Variants in DPP6 observed in about 807,000 individuals in gnomAD.
The protein encoded by DPP6 is dipeptidyl peptidase like 6.
A neutral mutation model predicts 122.6 loss-of-function variants in DPP6; 69 were observed. The observed-to-expected ratio is 0.56, with a 90% CI of 0.46 to 0.69. The LOEUF (loss-of-function observed/expected upper bound fraction) is 0.69, where lower values mean the gene tolerates loss of function less well. Among genes scored for constraint, DPP6 ranks in the 30% least tolerant of loss-of-function variants. The probability of loss-of-function intolerance (pLI) is 0.00; values close to 1 mark genes in which losing one functional copy is unlikely to be tolerated. For missense variants in DPP6, 928 were observed against 1,116.9 expected (o/e 0.83, Z 2.41); for synonymous variants, 418 against 433.1 (o/e 0.97, Z 0.43).
rs1815805728 is a variant in DPP6 at position 154,403,368 on chromosome 7, G to A, written c.244-42846G>A. On this transcript the variant is annotated intron_variant, in intron 1 of 25. Coordinates refer to ENST00000377770, the MANE Select transcript of DPP6 (RefSeq NM_130797.4). The surrounding 1 kb of genome is among the most constrained non-coding windows in gnomAD (Gnocchi z 4.1). ...CGATTCAGGTACCTTAGGAGGAAAAGGGACATGGTGAGGACTGGAGTTGCG... is the reference window on the plus strand; with the variant it reads ...CGATTCAGGTACCTTAGGAGGAAAAAGGACATGGTGAGGACTGGAGTTGCG... Among the ~76,000 whole-genome samples the A allele has an allele frequency of 3.3e-5, 5 of 152,212 alleles. No homozygotes were observed. In the South Asian group the frequency reaches 1.0e-3, roughly 31 times the overall value.
intron 2 of DPP6, among the ~76,000 whole-genome samples, chr7:154,450,636 A>T (rs1491843): frequency 0.99 from 150,335 of 152,294 alleles, 74,203 homozygotes; most frequent in East Asian, 1. Flanking sequence ...GCCTGGAACA[A>T]TCAGGCTGAG....
rs150916596 is a variant in DPP6 at position 154,159,023 on chromosome 7, C to G, written c.243+105960C>G. Among the ~76,000 whole-genome samples, 617 of 152,230 alleles carry G rather than the reference C, an allele frequency of 4.1e-3. 3 individuals are homozygous for G. The highest frequency in any genetic ancestry group is 0.02 in the Middle Eastern group (6 of 294). On this transcript the variant is annotated intron_variant, in intron 1 of 25. Coordinates refer to ENST00000377770, the MANE Select transcript of DPP6 (RefSeq NM_130797.4). ...CCTGAATACCTTAGGTTCAGTTCCT[C>G]CAGAGAATCAACCTCCCATCTCGTG...
At chr7:154,016,284 C>T (rs1236064903) in intron 1 of DPP6, among the ~76,000 whole-genome samples, 1 of 152,156 alleles carries the variant, frequency 6.6e-6, no homozygotes, top group African/African-American at 2.4e-5. Flanking sequence ...TCAGTTTCCC[C>T]CTTAGAGAAG....
At position 154,083,996 on chromosome 7, in the gene DPP6, T is replaced by C. The variant is rs569911657; in HGVS notation, c.243+30933T>C. Among the ~76,000 whole-genome samples, 222 of 138,704 alleles carry C rather than the reference T, an allele frequency of 1.6e-3. 2 individuals are homozygous for C. The highest frequency in any genetic ancestry group is 7.8e-4 in the Non-Finnish European group (51 of 65,256). 91.0% of individuals were successfully genotyped at this position (138,704 alleles called of 152,430 possible). ...GTCCCAAGAAGCCTAGTATAACTCA[T>C]AAGATGCTTGGGAGTTTAAATATGC... On this transcript the variant is annotated intron_variant, in intron 1 of 25. Transcript: ENST00000377770.
intron 1 of DPP6, among the ~76,000 whole-genome samples, chr7:154,334,110 C>T (rs1809186116): frequency 6.6e-6 from 1 of 150,852 alleles, no homozygotes; most frequent in African/African-American, 2.4e-5. Context: ...TTATCTTCAG[C>T]AAGGATTTTA....
intron 2 of DPP6, among the ~76,000 whole-genome samples, chr7:154,458,275 T>A (rs1165826852): frequency 6.6e-6 from 1 of 152,202 alleles, no homozygotes; most frequent in Non-Finnish European, 1.5e-5. Flanking sequence ...ATAAGTCTCA[T>A]GAGACCTGAT....
intron 9 of DPP6, among the ~76,000 whole-genome samples, chr7:154,772,407 T>C (rs1036317103): frequency 2.0e-5 from 3 of 152,128 alleles, no homozygotes; most frequent in Admixed American, 1.3e-4. Context: ...GGAAGCAGAA[T>C]AGTGCCCCAG....
At chr7:153,992,820 A>G (rs565769524) in intron 1 of DPP6, among the ~76,000 whole-genome samples, 22 of 152,272 alleles carry the variant, frequency 1.4e-4, no homozygotes, top group African/African-American at 5.1e-4. Flanking sequence ...TTGCTTCTGT[A>G]AGGCAGTTCC....
chr7:154,488,573 A>G (rs1466268865), intron 3 of DPP6, among the ~76,000 whole-genome samples: 2 of 151,840 alleles, frequency 1.3e-5, no homozygotes, highest in Non-Finnish European at 2.9e-5. Flanking sequence ...TCCTCATACT[A>G]GATGTGTTCT....
rs562149450 is a variant in DPP6 at position 153,928,509 on chromosome 7, T to C, written c.51+40775T>C. On this transcript the variant is annotated intron_variant, in intron 1 of 25. Coordinates refer to the DPP6 transcript ENST00000404039. ...TGCCCACCTCAGCCTCCCAAAGCAC[T>C]GGCATTACAGGTGGGAGCCATTGCG... Among the ~76,000 whole-genome samples the C allele has an allele frequency of 2.1e-5, 3 of 144,076 alleles. No homozygotes were observed. The East Asian group carries it at 6.6e-4, about 32-fold the overall frequency. The allele number at this position is 144,076 out of a possible 152,430, so 94.5% of individuals were successfully genotyped here.
At chr7:154,790,808 A>AAGG (rs1245869068) in intron 10 of DPP6, among the ~76,000 whole-genome samples, 3 of 121,012 alleles carry the variant, frequency 2.5e-5, no homozygotes, top group African/African-American at 1.0e-4. Flanking sequence ...GAAGGGAGGA[A>AAGG]AGGAGGGAGG....
At chr7:154,305,017 C>T (rs1208314706) in intron 1 of DPP6, 2 of 147,548 alleles carry the variant, frequency 1.4e-5, no homozygotes, top group African/African-American at 5.2e-5. Flanking sequence ...CCGCGGCCCC[C>T]TCCCCAGCCC....
chr7:154,618,133 G>A lies in DPP6; in HGVS notation c.628-19688G>A, dbSNP rs1453832440. On this transcript the variant is annotated intron_variant, in intron 5 of 25. Transcript: ENST00000377770. The surrounding 1 kb of genome is among the most constrained non-coding windows in gnomAD (Gnocchi z 4.1). ...CTCTTTCCCCCATAAGGCTATTAAA[G>A]TTGCTGCTGGAAGGTTCCAGAGCTG... is the stretch of plus-strand genomic sequence containing the variant. 1.3e-5 allele frequency among the ~76,000 whole-genome samples: 2 copies of A among 152,144 alleles called. No individual in the cohort carries two copies. Among genetic ancestry groups the A allele is most frequent in the African/African-American group, 4.8e-5 (2 of 41,414 alleles).
intron 1 of DPP6, among the ~76,000 whole-genome samples, chr7:154,216,180 T>C (rs1369818203): frequency 6.6e-6 from 1 of 152,204 alleles, no homozygotes; most frequent in African/African-American, 2.4e-5. Flanking sequence ...AGTGCTGAGC[T>C]AACTCAGGGA....
At chr7:154,793,894 C>T in intron 10 of DPP6, 185 bp from the exon 11 acceptor site, 2 of 932,448 alleles carry the variant, frequency 2.1e-6, no homozygotes, top group Non-Finnish European at 1.5e-6. Flanking sequence ...TGGGCGGCCC[C>T]TCAGAGTCCC....
intron 1 of DPP6, among the ~76,000 whole-genome samples, chr7:154,035,418 A>G (rs1273710410): frequency 6.6e-6 from 1 of 152,262 alleles, no homozygotes; most frequent in African/African-American, 2.4e-5. Context: ...CATTCTATTC[A>G]TTAGAGATAA....
At chr7:154,026,903 T>C (rs1231134417) in intron 1 of DPP6, 1 of 151,604 alleles carries the variant, frequency 6.6e-6, no homozygotes, top group African/African-American at 2.4e-5. Context: ...ATTTTAATTA[T>C]GATATAAACA....
intron 1 of DPP6, among the ~76,000 whole-genome samples, chr7:153,956,734 G>A (rs1403796328): frequency 6.6e-6 from 1 of 152,188 alleles, no homozygotes; most frequent in Non-Finnish European, 1.5e-5. Context: ...AGTCCTGGCA[G>A]CAATCTTTCT....
In DPP6 at chr7:153,944,781, C is replaced by G. The variant is rs546751629; in HGVS notation, c.51+57047C>G. Among the ~76,000 whole-genome samples the G allele has an allele frequency of 1.2e-4, 18 of 149,926 alleles. No homozygotes were observed. In the South Asian group the frequency reaches 3.0e-3, roughly 25 times the overall value. ...GAGTAGCTGGGATTACAGGCACACA[C>G]CACCACGCCTGGCTAATTTTTGTAT... On this transcript the variant is annotated intron_variant, in intron 1 of 25. Transcript: ENST00000404039.
Sources: gnomAD v4.1 joint callset for allele counts (sites outside exome capture counted in the v4.1 genomes callset) on GRCh38, gnomAD v4.1.1 for gene constraint, Gnocchi (gnomAD v3.1) non-coding constraint, MANE v1.5 for transcripts, NCBI Gene and HGNC (gene_info 2026-07-23, HGNC 2026-07-21) for gene names.